Variants in TDRD9 observed in about 807,000 individuals in gnomAD.
The protein encoded by TDRD9 is tudor domain containing 9, also known as ATP-dependent RNA helicase TDRD9.
In TDRD9, 124 loss-of-function variants were observed where a neutral mutation model predicts 172.6. The ratio of observed to expected loss-of-function variants is 0.72; its 90% CI spans 0.62 to 0.83. The LOEUF (loss-of-function observed/expected upper bound fraction) is 0.83. TDRD9 is among the 40% of genes least tolerant of loss of function. The pLI, the probability that TDRD9 is intolerant of heterozygous loss-of-function variation, is 0.00. For synonymous variants in TDRD9, 619 were observed against 617.1 expected, an observed-to-expected ratio of 1.00 and a Z score of -0.05; for missense variants, 1,479 against 1,714.1, an observed-to-expected ratio of 0.86 and a Z score of 2.42.
chr14:103,933,202 G>A lies in TDRD9; in HGVS notation c.215+4478G>A, dbSNP rs544924407. Among the ~76,000 whole-genome samples, 15 of 152,318 alleles carry A rather than the reference G, an allele frequency of 9.8e-5. No homozygotes were observed. The South Asian group carries it at 3.1e-3, about 32-fold the overall frequency. Reference sequence around the variant, plus strand: ...TTCTCGTGTCTTCACCTTGGCATATGAAGAAGAAAACCTCAGTGGCTGTGA... The same window carrying A: ...TTCTCGTGTCTTCACCTTGGCATATAAAGAAGAAAACCTCAGTGGCTGTGA... On this transcript the variant is annotated intron_variant, in intron 1 of 35. Transcript: ENST00000409874.
At chr14:103,962,277 T>C (rs530893153) in intron 2 of TDRD9, among the ~76,000 whole-genome samples, 13 of 152,272 alleles carry the variant, frequency 8.5e-5, no homozygotes, top group South Asian at 6.2e-4. Context: ...CACACTTAAA[T>C]TGATGCATTC....
rs757155590 is a variant in TDRD9 at position 104,022,225 on chromosome 14, TTAAGA to T, written c.2503_2507del (p.Lys835ValfsTer8). 4.4e-6 allele frequency: 7 copies of T among 1,601,804 alleles called. No individual in the cohort carries two copies. The highest frequency in any genetic ancestry group is 5.1e-6 in the Non-Finnish European group (6 of 1,174,086). ...ACCCTTCCTGCAGTATATATGGCAA[TTAAGA>T]TGTCTCAACTAAAAGTTTCACTTGA... On this transcript the variant is annotated frameshift_variant, in exon 24 of 36. Transcript: ENST00000409874. LOFTEE classifies it high-confidence loss of function.
intron 9 of TDRD9, among the ~76,000 whole-genome samples, chr14:103,993,458 A>G (rs6576014): frequency 0.97 from 148,370 of 152,348 alleles, 72,374 homozygotes; most frequent in East Asian, 1. Flanking sequence ...GTTTTCCAGG[A>G]CTGCTGTAAC....
intron 3 of TDRD9, 62 bp downstream of exon 3, chr14:103,963,238 T>G: frequency 5.6e-6 from 7 of 1,240,660 alleles, no homozygotes; most frequent in Non-Finnish European, 7.9e-6. Flanking sequence ...GCCCAATACT[T>G]TTGGTTTCTA....
intron 34 of TDRD9, among the ~76,000 whole-genome samples, chr14:104,045,960 C>G (rs2035761939): frequency 6.6e-6 from 1 of 152,136 alleles, no homozygotes; most frequent in Non-Finnish European, 1.5e-5. Context: ...TAAGACACTA[C>G]TTTATCTTTT....
chr14:103,937,049 A>T (rs2030814494), intron 1 of TDRD9, among the ~76,000 whole-genome samples: 1 of 152,162 alleles, frequency 6.6e-6, no homozygotes, highest in South Asian at 2.1e-4. Context: ...CTATGATTGC[A>T]CCACTGCACG....
rs969186743 is a variant in TDRD9, at chr14:104,035,019, C to T, written c.3679C>T (p.Leu1227Phe). The change falls in exon 32 of 36, where the codon CTC (leucine) becomes TTC (phenylalanine). Residue 1227 changes from leucine (L) to phenylalanine (F), a missense_variant. Leu to Phe is a conservative substitution (Grantham distance 22). Coordinates refer to ENST00000409874, the MANE Select transcript of TDRD9 (RefSeq NM_153046.3). Reference sequence around the variant, plus strand: ...GCCTCATATCCCTGGCCTCCCGGCTCTCCTCAGCATGTTATTCGCACCGGT... The same window carrying T: ...GCCTCATATCCCTGGCCTCCCGGCTTTCCTCAGCATGTTATTCGCACCGGT... The part of the protein sequence containing the change: ...LMPHIPGLPA[L>F]LSMLFAPVIE... 3 of 1,551,660 alleles carry T rather than the reference C, an allele frequency of 1.9e-6. No homozygotes were observed. The highest frequency in any genetic ancestry group is 2.0e-5 in the Admixed American group (1 of 50,986).
intron 1 of TDRD9, among the ~76,000 whole-genome samples, chr14:103,950,912 A>G (rs2031840735): frequency 6.6e-6 from 1 of 152,246 alleles, no homozygotes; most frequent in African/African-American, 2.4e-5. Flanking sequence ...TTCTCCAAGG[A>G]CATCTGCCCA....
At chr14:103,974,362 C>A (rs1171617705) in intron 6 of TDRD9, among the ~76,000 whole-genome samples, 2 of 152,188 alleles carry the variant, frequency 1.3e-5, no homozygotes, top group Non-Finnish European at 2.9e-5. Flanking sequence ...CAGCCACTTT[C>A]TCCTGGCACG....
At chr14:103,991,119 T>C (rs2033846139) in intron 8 of TDRD9, 41 bp from the exon 9 acceptor site, 3 of 1,611,834 alleles carry the variant, frequency 1.9e-6, no homozygotes, top group Admixed American at 3.3e-5. Flanking sequence ...ATAGCTGTTA[T>C]TAGCCTTCAT....
chr14:104,049,112 ATGTATGTATG>A (rs1419888989), intron 34 of TDRD9, among the ~76,000 whole-genome samples: 32 of 50,146 alleles, frequency 6.4e-4, no homozygotes, highest in Middle Eastern at 0.011. Context: ...GTATGTATGT[ATGTATGTATG>A]TGTGTGTGTG....
intron 8 of TDRD9, among the ~76,000 whole-genome samples, chr14:103,989,168 A>G (rs764135712): frequency 6.6e-6 from 1 of 152,182 alleles, no homozygotes; most frequent in Non-Finnish European, 1.5e-5. Context: ...AGCACTTTGA[A>G]TATGTCATCC....
At chr14:103,991,101 G>A in intron 8 of TDRD9, 59 bp from the exon 9 acceptor site, 2 of 1,595,512 alleles carry the variant, frequency 1.3e-6, no homozygotes, top group Non-Finnish European at 8.6e-7. Flanking sequence ...TAGGATTTTA[G>A]AGAAGCAATA....
intron 28 of TDRD9, among the ~76,000 whole-genome samples, chr14:104,030,554 T>C (rs1052058071): frequency 6.6e-5 from 10 of 152,236 alleles, no homozygotes; most frequent in Non-Finnish European, 1.0e-4. Flanking sequence ...TCTTAAATTC[T>C]CTAATGGGTA....
At chr14:104,047,502 T>C (rs1353859865) in intron 34 of TDRD9, among the ~76,000 whole-genome samples, 4 of 152,232 alleles carry the variant, frequency 2.6e-5, no homozygotes, top group African/African-American at 9.6e-5. Flanking sequence ...TAGCTACCAT[T>C]TGTGAGCTTT....
rs778397147 is a variant in TDRD9, at chr14:103,998,679, G to C, written c.1434G>C (p.Gln478His). ...TCTGTGATGAAGATACAAATTATCA[G>C]AGTCTGCGATTGAGTTGGGCTTCTA... ...TLVCDEDTNY[Q>H]SLRLSWASKT... Residue 478 changes from glutamine (Q) to histidine (H), a missense_variant, in exon 13 of 36, where the codon CAG becomes CAC. Transcript: ENST00000409874. The C allele has an allele frequency of 6.2e-7, 1 of 1,611,884 alleles. No homozygotes were observed. Among genetic ancestry groups the C allele is most frequent in the East Asian group, 2.2e-5 (1 of 44,870 alleles).
At chr14:104,044,518 A>G (rs549211233) in intron 34 of TDRD9, among the ~76,000 whole-genome samples, 7 of 152,250 alleles carry the variant, frequency 4.6e-5, no homozygotes, top group African/African-American at 1.7e-4. Flanking sequence ...TTCTGTTTAT[A>G]TATTTGCCTT....
chr14:103,938,380 ATATGTGTGTGTGTG>A (rs1425714765), intron 1 of TDRD9, among the ~76,000 whole-genome samples: 2,950 of 37,190 alleles, frequency 0.079, 81 homozygotes, highest in East Asian at 0.22. Flanking sequence ...TGTGCCCCAT[ATATGTGTGTGTGTG>A]TGTGTGTGTG....
At chr14:104,006,167 C>T (rs559641559) in intron 15 of TDRD9, among the ~76,000 whole-genome samples, 1 of 152,034 alleles carries the variant, frequency 6.6e-6, no homozygotes, top group Admixed American at 6.6e-5. Context: ...TTTAGTGTTA[C>T]CTCCCAGGAT....
Sources: allele counts gnomAD v4.1 joint callset (sites outside exome capture counted in the v4.1 genomes callset), GRCh38; gene constraint gnomAD v4.1.1; transcripts MANE v1.5; gene names NCBI Gene and HGNC (gene_info 2026-07-23, HGNC 2026-07-21).